DGKB: variants seen among roughly 807,000 people sequenced by gnomAD.
The protein encoded by DGKB is diacylglycerol kinase beta.
Under a neutral mutation model 114.3 loss-of-function variants are expected in DGKB, and 67 were observed. The observed-to-expected ratio is 0.59, with a 90% CI of 0.48 to 0.72. The LOEUF (loss-of-function observed/expected upper bound fraction) is 0.72, where lower values mean the gene tolerates loss of function less well. DGKB is among the 30% of genes least tolerant of loss of function. DGKB has a pLI of 0.00. For synonymous variants in DGKB, 398 were observed against 323.1 expected (o/e 1.23, Z -2.49); for missense variants, 907 against 975.2 (o/e 0.93, Z 0.93).
At chr7:14,806,280 A>G (rs978315433) in intron 2 of DGKB, among the ~76,000 whole-genome samples, 1 of 152,078 alleles carries the variant, frequency 6.6e-6, no homozygotes, top group Non-Finnish European at 1.5e-5. Flanking sequence ...AATGGTTTCA[A>G]TTAATACTTT....
At chr7:14,802,563 T>C (rs1842309720) in intron 2 of DGKB, among the ~76,000 whole-genome samples, 1 of 152,188 alleles carries the variant, frequency 6.6e-6, no homozygotes. Flanking sequence ...TATAAACCAA[T>C]GCTGAATTGA....
chr7:14,743,649 T>A (rs1260740746), intron 4 of DGKB, among the ~76,000 whole-genome samples: 1 of 152,204 alleles, frequency 6.6e-6, no homozygotes, highest in Non-Finnish European at 1.5e-5. Context: ...TTTTAGTGAA[T>A]AATGCTAACA....
chr7:14,897,560 G>C (rs1782302821), intron 1 of DGKB, among the ~76,000 whole-genome samples: 1 of 151,740 alleles, frequency 6.6e-6, no homozygotes, highest in South Asian at 2.1e-4. Flanking sequence ...TCTACTATTT[G>C]GGTTTTTTTC....
intron 2 of DGKB, among the ~76,000 whole-genome samples, chr7:14,774,065 GTTAT>G (rs911083734): frequency 6.6e-6 from 1 of 152,088 alleles, no homozygotes; most frequent in African/African-American, 2.4e-5. Context: ...CTCCATTAGT[GTTAT>G]TTATTCTCAC....
At chr7:14,371,840 A>T (rs977142138) in intron 21 of DGKB, among the ~76,000 whole-genome samples, 2 of 152,158 alleles carry the variant, frequency 1.3e-5, no homozygotes, top group African/African-American at 4.8e-5. Flanking sequence ...GCACAATTCC[A>T]GCACCTACTG....
chr7:14,892,017 G>C (rs931798014), intron 1 of DGKB, among the ~76,000 whole-genome samples: 16 of 151,418 alleles, frequency 1.1e-4, no homozygotes, highest in Non-Finnish European at 1.9e-4. Context: ...GGAAGGAAAA[G>C]AGTAATACAG....
chr7:14,577,756 G>C (rs1300636949), intron 19 of DGKB, among the ~76,000 whole-genome samples: 1 of 152,150 alleles, frequency 6.6e-6, no homozygotes, highest in African/African-American at 2.4e-5. Flanking sequence ...AATTAAGCTA[G>C]AATATCCTAC....
At chr7:14,795,004 C>A (rs1265309871) in intron 2 of DGKB, among the ~76,000 whole-genome samples, 1 of 152,116 alleles carries the variant, frequency 6.6e-6, no homozygotes, top group Non-Finnish European at 1.5e-5. Context: ...AGATGCCATA[C>A]AAGACAATGC....
intron 1 of DGKB, among the ~76,000 whole-genome samples, chr7:14,918,994 C>T (rs749677879): frequency 9.3e-5 from 14 of 150,254 alleles, no homozygotes; most frequent in South Asian, 4.3e-4. Context: ...ACCCAGGAGG[C>T]GGAGGTTCCA....
intron 23 of DGKB, among the ~76,000 whole-genome samples, chr7:14,309,813 GAGA>G (rs1805073310): frequency 6.6e-6 from 1 of 152,170 alleles, no homozygotes; most frequent in Non-Finnish European, 1.5e-5. Context: ...ATTTCTAAGA[GAGA>G]AGAAGGGCTA....
intron 21 of DGKB, among the ~76,000 whole-genome samples, chr7:14,372,122 C>T (rs1039734089): frequency 2.0e-5 from 3 of 152,128 alleles, no homozygotes; most frequent in African/African-American, 4.8e-5. Flanking sequence ...AAACAAAATG[C>T]TCTTCCTTGG....
At chr7:14,218,276 AC>A (rs1257808589) in intron 23 of DGKB, among the ~76,000 whole-genome samples, 1 of 152,038 alleles carries the variant, frequency 6.6e-6, no homozygotes, top group Non-Finnish European at 1.5e-5. Flanking sequence ...CATACACTTG[AC>A]CTCTAGCTTA....
At chr7:14,750,788 T>G (rs1345925225) in intron 4 of DGKB, among the ~76,000 whole-genome samples, 2 of 140,948 alleles carry the variant, frequency 1.4e-5, no homozygotes, top group Admixed American at 1.5e-4. Context: ...AAGCTATTTC[T>G]ATTTCTTTTT....
At chr7:14,736,231 C>G (rs1296143908) in intron 4 of DGKB, 37 bp from the exon 5 acceptor site, 2 of 1,331,882 alleles carry the variant, frequency 1.5e-6, no homozygotes, top group Non-Finnish European at 2.1e-6. Context: ...TTTTAAGATC[C>G]AACCAAATGT....
intron 21 of DGKB, among the ~76,000 whole-genome samples, chr7:14,460,475 C>T (rs1832919230): frequency 6.6e-6 from 1 of 151,278 alleles, no homozygotes; most frequent in South Asian, 2.1e-4. Context: ...ATAAAACAGA[C>T]TTTAAATCAA....
At chr7:14,586,744 A>T (rs1051009731) in intron 17 of DGKB, among the ~76,000 whole-genome samples, 1 of 152,066 alleles carries the variant, frequency 6.6e-6, no homozygotes, top group African/African-American at 2.4e-5. Flanking sequence ...AATTATGCCA[A>T]ACTTACTCTA....
intron 13 of DGKB, among the ~76,000 whole-genome samples, chr7:14,658,851 T>C (rs1816406091): frequency 6.6e-6 from 1 of 151,972 alleles, no homozygotes; most frequent in Admixed American, 6.6e-5. Flanking sequence ...GTCCTTTCTG[T>C]GAACTAACAA....
At chr7:14,662,258 G>C (rs576648480) in intron 13 of DGKB, among the ~76,000 whole-genome samples, 1 of 148,190 alleles carries the variant, frequency 6.7e-6, no homozygotes, top group Admixed American at 6.6e-5. Flanking sequence ...AGTTGGCAGG[G>C]GCTAGAAATC....
chr7:14,244,512 A>C (rs1036218554), intron 23 of DGKB, among the ~76,000 whole-genome samples: 1 of 151,724 alleles, frequency 6.6e-6, no homozygotes, highest in Non-Finnish European at 1.5e-5. Context: ...AAAAGAAAAA[A>C]AAAGAAAAAC....
Sources: gnomAD v4.1 joint callset for allele counts (sites outside exome capture counted in the v4.1 genomes callset) on GRCh38, gnomAD v4.1.1 for gene constraint, MANE v1.5 for transcripts, NCBI Gene and HGNC (gene_info 2026-07-23, HGNC 2026-07-21) for gene names.